The following OSBPL8 variants were observed in gnomAD, a reference collection of about 807,000 sequenced individuals.
The protein encoded by OSBPL8 is oxysterol binding protein like 8.
OSBPL8 carries 59 observed loss-of-function variants against 125.5 expected under a neutral mutation model. The observed-to-expected ratio is 0.47, with a 90% CI of 0.38 to 0.58. OSBPL8 has a LOEUF of 0.58. OSBPL8 is among the 20% of genes least tolerant of loss of function. The pLI is 0.00. For missense variants in OSBPL8, 758 were observed against 1,047.8 expected, an observed-to-expected ratio of 0.72 and a Z score of 3.82; for synonymous variants, 330 against 338.9, an observed-to-expected ratio of 0.97 and a Z score of 0.29.
intron 1 of OSBPL8, among the ~76,000 whole-genome samples, chr12:76,501,405 AAGG>A (rs1366720815): frequency 6.6e-6 from 1 of 152,204 alleles, no homozygotes; most frequent in Non-Finnish European, 1.5e-5. Flanking sequence ...GAGAGAAGAA[AAGG>A]AGAATATGTA....
chr12:76,443,848 C>G (rs1364516491), intron 4 of OSBPL8, among the ~76,000 whole-genome samples: 1 of 151,992 alleles, frequency 6.6e-6, no homozygotes, highest in African/African-American at 2.4e-5. Flanking sequence ...GAAATATGTT[C>G]GGCTCAAATA....
chr12:76,431,233 C>CA (rs1237632213), intron 4 of OSBPL8, among the ~76,000 whole-genome samples: 2 of 144,018 alleles, frequency 1.4e-5, no homozygotes, highest in South Asian at 2.2e-4. Context: ...TAATCACCCA[C>CA]AAAAAATGCA....
rs1421257622 is a variant in OSBPL8 at position 76,377,830 on chromosome 12, A to ATT, written c.1729+621_1729+622insAA. Among the ~76,000 whole-genome samples the ATT allele has an allele frequency of 9.9e-5, 15 of 152,112 alleles. No homozygotes were observed. In the East Asian group the frequency reaches 2.9e-3, roughly 29 times the overall value. ...TAGCTGTATGATCTCAGGCATATTAACCTCTCTGTGCTTCATTTTTCCTCT... is the reference window on the plus strand; with the variant it reads ...TAGCTGTATGATCTCAGGCATATTAATTCCTCTCTGTGCTTCATTTTTCCTCT... On this transcript the variant is annotated intron_variant, in intron 16 of 23. Coordinates refer to ENST00000261183, the MANE Select transcript of OSBPL8 (RefSeq NM_020841.5).
At chr12:76,467,232 A>G (rs1875557908) in intron 2 of OSBPL8, among the ~76,000 whole-genome samples, 1 of 152,036 alleles carries the variant, frequency 6.6e-6, no homozygotes, top group Non-Finnish European at 1.5e-5. Context: ...CCTCCCATTC[A>G]GCAAGTGAAT....
intron 4 of OSBPL8, among the ~76,000 whole-genome samples, chr12:76,436,026 G>A (rs954951066): frequency 2.0e-5 from 3 of 152,120 alleles, no homozygotes; most frequent in African/African-American, 7.2e-5. Context: ...AAAGGTAACT[G>A]GAGTCTTGCA....
intron 1 of OSBPL8, among the ~76,000 whole-genome samples, chr12:76,502,570 C>T (rs541897045): frequency 4.6e-5 from 7 of 152,236 alleles, no homozygotes; most frequent in Admixed American, 2.6e-4. Context: ...ATTTCAGATA[C>T]GATGGGATAT....
chr12:76,360,654 T>C (rs1952167388), intron 21 of OSBPL8, among the ~76,000 whole-genome samples: 1 of 152,238 alleles, frequency 6.6e-6, no homozygotes, highest in Non-Finnish European at 1.5e-5. Context: ...GCAATCTTTT[T>C]CCTGGGTATC....
intron 1 of OSBPL8, among the ~76,000 whole-genome samples, chr12:76,558,098 A>G (rs1565997705): frequency 6.6e-6 from 1 of 150,784 alleles, no homozygotes; most frequent in Admixed American, 6.7e-5. Flanking sequence ...GAGCAGGTAT[A>G]TTATAGTCAC....
intron 5 of OSBPL8, among the ~76,000 whole-genome samples, chr12:76,405,902 T>C (rs1398223418): frequency 2.6e-5 from 4 of 152,222 alleles, no homozygotes; most frequent in Non-Finnish European, 4.4e-5. Context: ...GCATGTTATA[T>C]ATTTTTTACT....
At chr12:76,387,616 G>A (rs1175981496) in intron 12 of OSBPL8, among the ~76,000 whole-genome samples, 2 of 152,084 alleles carry the variant, frequency 1.3e-5, no homozygotes, top group Admixed American at 1.3e-4. Context: ...TTGTAATGTA[G>A]CTACTATGCC....
At chr12:76,476,886 C>T (rs1444584869) in intron 2 of OSBPL8, among the ~76,000 whole-genome samples, 1 of 151,922 alleles carries the variant, frequency 6.6e-6, no homozygotes, top group African/African-American at 2.4e-5. Flanking sequence ...ATGAATCAGA[C>T]AAAATATTAA....
chr12:76,514,653 GTC>G (rs1232331047), intron 1 of OSBPL8, among the ~76,000 whole-genome samples: 1 of 152,118 alleles, frequency 6.6e-6, no homozygotes, highest in Non-Finnish European at 1.5e-5. Context: ...CTTGTATAGA[GTC>G]TTTCAGGAGT....
rs1484820909 is a variant in OSBPL8 at position 76,410,573 on chromosome 12, T to A, written c.279A>T (p.Ser93=). The change falls in exon 5 of 24, where the codon TCA becomes TCT. Residue 93 remains serine (S), a synonymous_variant. Coordinates refer to ENST00000261183, the MANE Select transcript of OSBPL8 (RefSeq NM_020841.5). ...GCTTATATATGCTTACCTTGCTCTT[T>A]GACATAGAAAGTGAAGATTCATCTT... The part of the protein sequence containing the change: ...QNKDESSLSM[S]KSKSESKLYN... 4 of 1,602,052 alleles carry A rather than the reference T, an allele frequency of 2.5e-6. No individual in the cohort carries two copies. Among genetic ancestry groups the A allele is most frequent in the Non-Finnish European group, 3.4e-6 (4 of 1,170,446 alleles).
At chr12:76,385,201 G>A (rs74103414) in intron 14 of OSBPL8, among the ~76,000 whole-genome samples, 2,105 of 152,184 alleles carry the variant, frequency 0.014, 38 homozygotes, top group African/African-American at 0.044. Flanking sequence ...TTTGACTTGA[G>A]GGGGTTATCA....
chr12:76,513,770 T>A, intron 1 of OSBPL8, among the ~76,000 whole-genome samples: 1 of 151,394 alleles, frequency 6.6e-6, no homozygotes, highest in East Asian at 1.9e-4. Context: ...TTTTCCGGTT[T>A]TCTGTTTGTT....
intron 4 of OSBPL8, among the ~76,000 whole-genome samples, chr12:76,430,772 C>T (rs149597336): frequency 0.022 from 3,295 of 152,142 alleles, 47 homozygotes; most frequent in Non-Finnish European, 0.032. Context: ...CACTTTAAAA[C>T]GTGAAACTGT....
At chr12:76,387,845 A>G (rs1242353451) in intron 12 of OSBPL8, among the ~76,000 whole-genome samples, 1 of 152,172 alleles carries the variant, frequency 6.6e-6, no homozygotes, top group Non-Finnish European at 1.5e-5. Context: ...TTAAAATTAA[A>G]TATATATAGT....
At position 76,368,887 on chromosome 12, in the gene OSBPL8, G is replaced by A. The variant is rs549760933; in HGVS notation, c.2328+327C>T. 1.9e-3 allele frequency among the ~76,000 whole-genome samples: 289 copies of A among 152,188 alleles called. 1 individual carries two copies. The highest frequency in any genetic ancestry group is 6.7e-3 in the African/African-American group (278 of 41,536). On this transcript the variant is annotated intron_variant, in intron 21 of 23. Transcript: ENST00000261183. ...GGAACTAGGGACTTACACTGGCAACGCAGGGGCTCTTCAAGACTGCTACTG... is the reference window on the plus strand; with the variant it reads ...GGAACTAGGGACTTACACTGGCAACACAGGGGCTCTTCAAGACTGCTACTG...
intron 1 of OSBPL8, among the ~76,000 whole-genome samples, chr12:76,558,183 G>A (rs1951167120): frequency 6.6e-6 from 1 of 152,012 alleles, no homozygotes; most frequent in Non-Finnish European, 1.5e-5. Context: ...ATAGAGAACA[G>A]TTTTAAATTG....
Sources: allele counts gnomAD v4.1 joint callset (sites outside exome capture counted in the v4.1 genomes callset), GRCh38; gene constraint gnomAD v4.1.1; transcripts MANE v1.5; gene names NCBI Gene and HGNC (gene_info 2026-07-23, HGNC 2026-07-21).